RFTN2: variants seen among roughly 807,000 people sequenced by gnomAD.
The protein encoded by RFTN2 is raftlin family member 2, also known as raftlin-2.
RFTN2 carries 34 observed loss-of-function variants against 52.7 expected under a neutral mutation model. The ratio of observed to expected loss-of-function variants is 0.64; its 90% CI spans 0.49 to 0.86. The LOEUF is 0.86. RFTN2 is among the 40% of genes least tolerant of loss of function. The pLI is 0.00. For synonymous variants in RFTN2, 203 were observed against 217.7 expected, an observed-to-expected ratio of 0.93 and a Z score of 0.59; for missense variants, 536 against 600.1, an observed-to-expected ratio of 0.89 and a Z score of 1.12.
rs140627164 is a variant in RFTN2 at position 197,580,984 on chromosome 2, C to T, written c.1234-8704G>A. ...CAAAACCTCCTTCGTGTCTTCCTCT[C>T]GCATCCCCCCAACTTAACCCACAAG... On this transcript the variant is annotated intron_variant, in intron 8 of 8. Coordinates refer to ENST00000295049, the MANE Select transcript of RFTN2 (RefSeq NM_144629.3). 3.2e-3 allele frequency among the ~76,000 whole-genome samples: 492 copies of T among 152,202 alleles called. 3 individuals are homozygous for T. The highest frequency in any genetic ancestry group is 0.011 in the African/African-American group (469 of 41,510).
intron 1 of RFTN2, among the ~76,000 whole-genome samples, chr2:197,663,814 CTT>C (rs1247149306): frequency 6.6e-6 from 1 of 151,854 alleles, no homozygotes; most frequent in Non-Finnish European, 1.5e-5. Flanking sequence ...TAGTTCTACT[CTT>C]TATTATTTTT....
At chr2:197,587,620 C>T (rs773277705) in intron 8 of RFTN2, among the ~76,000 whole-genome samples, 2 of 152,020 alleles carry the variant, frequency 1.3e-5, no homozygotes, top group Non-Finnish European at 2.9e-5. Context: ...TTTCTCCCTT[C>T]GCTGACTCTC....
At position 197,675,368 on chromosome 2, in the gene RFTN2, T is replaced by C. The variant is rs1419570163; in HGVS notation, c.91A>G (p.Lys31Glu). Residue 31 changes from lysine to glutamate, a missense_variant, in exon 1 of 9, where the codon AAG (lysine) becomes GAG (glutamate). Coordinates refer to ENST00000295049, the MANE Select transcript of RFTN2 (RefSeq NM_144629.3). ...STLKRPQVET[K>E]TEFAYEYVLL... is the part of the protein sequence containing the mutation. ...ACATATTCGTAAGCAAATTCTGTCT[T>C]TGTTTCCACTTGCGGTCTCTTCAGG... 1.9e-6 allele frequency: 3 copies of C among 1,604,822 alleles called. No homozygotes were observed. The highest frequency in any genetic ancestry group is 1.1e-5 in the South Asian group (1 of 89,820).
At chr2:197,615,594 C>T (rs548863690) in intron 7 of RFTN2, among the ~76,000 whole-genome samples, 2 of 152,164 alleles carry the variant, frequency 1.3e-5, no homozygotes, top group Non-Finnish European at 1.5e-5. Flanking sequence ...GTGGCAGAAG[C>T]GCTCCTCCAT....
intron 7 of RFTN2, among the ~76,000 whole-genome samples, chr2:197,600,196 G>A (rs750063926): frequency 9.2e-5 from 14 of 152,116 alleles, no homozygotes; most frequent in Non-Finnish European, 1.6e-4. Flanking sequence ...TGAAACTGAC[G>A]AGTAATGCCT....
chr2:197,582,970 C>T (rs2087535175), intron 8 of RFTN2, among the ~76,000 whole-genome samples: 1 of 152,202 alleles, frequency 6.6e-6, no homozygotes, highest in Non-Finnish European at 1.5e-5. Flanking sequence ...AATCTTTCAG[C>T]TATCAATCTC....
At chr2:197,590,806 G>C (rs185067086) in intron 8 of RFTN2, among the ~76,000 whole-genome samples, 2 of 152,182 alleles carry the variant, frequency 1.3e-5, no homozygotes, top group African/African-American at 4.8e-5. Context: ...TTCGTGGTCT[G>C]GCTGGCTTCA....
intron 7 of RFTN2, among the ~76,000 whole-genome samples, chr2:197,607,863 G>A (rs552698787): frequency 1.3e-5 from 2 of 152,192 alleles, no homozygotes; most frequent in South Asian, 2.1e-4. Context: ...CCCACAAAAT[G>A]TTTAACATTT....
chr2:197,610,048 C>G (rs150594142), intron 7 of RFTN2, among the ~76,000 whole-genome samples: 1 of 152,114 alleles, frequency 6.6e-6, no homozygotes, highest in Non-Finnish European at 1.5e-5. Context: ...AGTCAGGTAG[C>G]GTGATGCCTC....
At position 197,627,888 on chromosome 2, in the gene RFTN2, C is replaced by T. The variant is rs545125951; in HGVS notation, c.928+3123G>A. On this transcript the variant is annotated intron_variant, in intron 5 of 8. Coordinates refer to ENST00000295049, the MANE Select transcript of RFTN2 (RefSeq NM_144629.3). ...CATCTGTCCCCCGCCCCCCCGCCCC[C>T]CCGTGTTTCTGGAAGGAGGTATTTT... Among the ~76,000 whole-genome samples the T allele has an allele frequency of 6.6e-5, 9 of 136,576 alleles. 1 individual carries two copies. The highest frequency in any genetic ancestry group is 5.6e-4 in the South Asian group (2 of 3,562). 89.6% of individuals were successfully genotyped at this position (136,576 alleles called of 152,430 possible). A position where few individuals can be genotyped will look rare whatever the true frequency, so the allele number is the denominator to read the frequency against.
chr2:197,586,979 C>T (rs554562051), intron 8 of RFTN2, among the ~76,000 whole-genome samples: 1 of 152,240 alleles, frequency 6.6e-6, no homozygotes, highest in South Asian at 2.1e-4. Context: ...TTATGCTGAA[C>T]CCCCTTGGGC....
chr2:197,635,214 T>C (rs2088545265), intron 3 of RFTN2, among the ~76,000 whole-genome samples: 1 of 152,176 alleles, frequency 6.6e-6, no homozygotes, highest in South Asian at 2.1e-4. Flanking sequence ...CATGTGTCTT[T>C]ATAGCAGCAT....
At chr2:197,611,966 G>A (rs2088068748) in intron 7 of RFTN2, among the ~76,000 whole-genome samples, 1 of 152,134 alleles carries the variant, frequency 6.6e-6, no homozygotes. Context: ...ATTGCACTGT[G>A]GTCTGAGAGA....
intron 5 of RFTN2, among the ~76,000 whole-genome samples, chr2:197,629,887 C>T (rs1460612663): frequency 6.6e-6 from 1 of 151,964 alleles, no homozygotes; most frequent in African/African-American, 2.4e-5. Flanking sequence ...CCATGCCTGA[C>T]TAACGTTTGC....
chr2:197,628,785 A>G (rs1020776497), intron 5 of RFTN2, among the ~76,000 whole-genome samples: 1 of 152,254 alleles, frequency 6.6e-6, no homozygotes, highest in Non-Finnish European at 1.5e-5. Flanking sequence ...GTCACTTTAC[A>G]TTTATTATAT....
Position 197,614,614 on chromosome 2 carries a change from C to T in RFTN2, c.1154+1262G>A, listed in dbSNP as rs189138575. Among the ~76,000 whole-genome samples the T allele has an allele frequency of 2.2e-4, 33 of 152,316 alleles. No homozygotes were observed. In the East Asian group the frequency reaches 3.3e-3, roughly 15 times the overall value. ...GGAGTCACAGGCACCCACCCCTAGA[C>T]GCTACCATGGGGCCGGAGCCCCACA... On this transcript the variant is annotated intron_variant, in intron 7 of 8. Coordinates refer to ENST00000295049, the MANE Select transcript of RFTN2 (RefSeq NM_144629.3).
rs778050685 is a variant in RFTN2, at chr2:197,615,992, G to C, written c.1051-13C>G. 3.4e-6 allele frequency: 5 copies of C among 1,474,346 alleles called. No homozygotes were observed. The East Asian group carries it at 1.2e-4, about 36-fold the overall frequency. The allele number at this position is 1,474,346 out of a possible 1,614,324, so 91.3% of individuals were successfully genotyped here. On this transcript the variant is annotated splice_polypyrimidine_tract_variant and intron_variant, in intron 6 of 8. Coordinates refer to ENST00000295049, the MANE Select transcript of RFTN2 (RefSeq NM_144629.3). ...TGATTTCACATCCCTGCATGAATAAGTATAAGAGCTCATAGTCTAATGGCA... is the reference window on the plus strand; with the variant it reads ...TGATTTCACATCCCTGCATGAATAACTATAAGAGCTCATAGTCTAATGGCA...
At chr2:197,613,920 A>G (rs1433858092) in intron 7 of RFTN2, among the ~76,000 whole-genome samples, 1 of 152,258 alleles carries the variant, frequency 6.6e-6, no homozygotes, top group Non-Finnish European at 1.5e-5. Flanking sequence ...CAGAGTTAGT[A>G]GCATCTTCCT....
chr2:197,635,298 T>C (rs2088546883), intron 3 of RFTN2, among the ~76,000 whole-genome samples: 2 of 148,634 alleles, frequency 1.3e-5, no homozygotes, highest in Admixed American at 1.3e-4. Context: ...TCTAGATCCC[T>C]GAGGAGTCAC....
Sources: gnomAD v4.1 joint callset for allele counts (sites outside exome capture counted in the v4.1 genomes callset) on GRCh38, gnomAD v4.1.1 for gene constraint, MANE v1.5 for transcripts, NCBI Gene and HGNC (gene_info 2026-07-23, HGNC 2026-07-21) for gene names.